Variants in CNBD1 observed in about 807,000 individuals in gnomAD.
CNBD1 encodes the protein cyclic nucleotide-binding domain-containing protein 1.
Under a neutral mutation model 54.4 loss-of-function variants are expected in CNBD1, and 71 were observed. The observed-to-expected ratio is 1.30, with a 90% CI of 1.08 to 1.59. The LOEUF (loss-of-function observed/expected upper bound fraction) is 1.59. Among genes scored for constraint, CNBD1 ranks in the 40% most tolerant of loss-of-function variants. The probability of loss-of-function intolerance (pLI) is 0.00; values close to 1 mark genes in which losing one functional copy is unlikely to be tolerated. For synonymous variants in CNBD1, 182 were observed against 170.7 expected, an observed-to-expected ratio of 1.07 and a Z score of -0.51; for missense variants, 659 against 518.0, an observed-to-expected ratio of 1.27 and a Z score of -2.64.
At chr8:87,054,009 G>A (rs1810363699) in intron 4 of CNBD1, among the ~76,000 whole-genome samples, 1 of 152,214 alleles carries the variant, frequency 6.6e-6, no homozygotes, top group Non-Finnish European at 1.5e-5. Context: ...ACAGCGTGGA[G>A]GCTAAAATCT....
Position 87,286,578 on chromosome 8 carries a change from A to G in CNBD1, c.949A>G (p.Ile317Val), listed in dbSNP as rs970315240. ...KLENMQKLKLIRMCPYYEEWP... is the reference protein window; with the variant it reads ...KLENMQKLKLVRMCPYYEEWP... ...TGAAAATATGCAAAAGTTGAAATTAATCCGTATGTGTCCTTATTATGAGGA... is the reference window on the plus strand; with the variant it reads ...TGAAAATATGCAAAAGTTGAAATTAGTCCGTATGTGTCCTTATTATGAGGA... Residue 317 changes from isoleucine to valine, a missense_variant, in exon 8 of 11, where the codon ATC becomes GTC. Physicochemically the swap from Ile to Val is conservative, Grantham distance 29. Transcript: ENST00000518476. 4.8e-6 allele frequency: 7 copies of G among 1,468,720 alleles called. No homozygotes were observed. The South Asian group carries it at 8.5e-5, about 18-fold the overall frequency. 91.0% of individuals were successfully genotyped at this position (1,468,720 alleles called of 1,614,324 possible). A position where few individuals can be genotyped will look rare whatever the true frequency, so the allele number is the denominator to read the frequency against.
intron 8 of CNBD1, among the ~76,000 whole-genome samples, chr8:87,312,518 A>T (rs906342061): frequency 3.3e-5 from 5 of 152,100 alleles, no homozygotes; most frequent in South Asian, 2.1e-4. Context: ...GTGGGGTTTG[A>T]CATTGCTTTT....
intron 4 of CNBD1, among the ~76,000 whole-genome samples, chr8:87,138,123 T>C (rs1246216639): frequency 6.6e-6 from 1 of 152,170 alleles, no homozygotes; most frequent in African/African-American, 2.4e-5. Context: ...GGCACAAAAG[T>C]CCTGTTTTTC....
At chr8:87,232,907 T>G (rs1467267838) in intron 5 of CNBD1, among the ~76,000 whole-genome samples, 3 of 152,264 alleles carry the variant, frequency 2.0e-5, no homozygotes, top group Non-Finnish European at 2.9e-5. Context: ...TAATAGTATG[T>G]AATATGAGGT....
At chr8:86,904,744 T>G (rs1225058442) in intron 2 of CNBD1, among the ~76,000 whole-genome samples, 1 of 152,130 alleles carries the variant, frequency 6.6e-6, no homozygotes, top group Non-Finnish European at 1.5e-5. Context: ...AGATGTAAAC[T>G]ATTTTAAATA....
At chr8:86,878,577 GAA>G (rs3063708) in intron 1 of CNBD1, among the ~76,000 whole-genome samples, 69,944 of 143,944 alleles carry the variant, frequency 0.49, 16,504 homozygotes, top group East Asian at 0.56. Flanking sequence ...ACTTTATTCT[GAA>G]AAAAAAAAAA....
intron 4 of CNBD1, among the ~76,000 whole-genome samples, chr8:87,039,461 G>T (rs1206319670): frequency 4.6e-5 from 7 of 151,832 alleles, no homozygotes; most frequent in East Asian, 1.9e-4. Flanking sequence ...ATGGTTTTTT[G>T]GGGGGGTTGG....
At chr8:87,282,638 T>A (rs1009212379) in intron 6 of CNBD1, among the ~76,000 whole-genome samples, 3 of 151,990 alleles carry the variant, frequency 2.0e-5, no homozygotes, top group African/African-American at 4.8e-5. Context: ...TTGGAAGTTT[T>A]ATAATTTCCT....
At chr8:87,240,522 A>T (rs1248583680) in intron 6 of CNBD1, among the ~76,000 whole-genome samples, 1 of 152,148 alleles carries the variant, frequency 6.6e-6, no homozygotes, top group Non-Finnish European at 1.5e-5. Flanking sequence ...GGTCTTACAA[A>T]TTCCAGTCCT....
intron 4 of CNBD1, among the ~76,000 whole-genome samples, chr8:86,944,791 G>A (rs1807426971): frequency 6.6e-6 from 1 of 152,150 alleles, no homozygotes; most frequent in South Asian, 2.1e-4. Context: ...CATGGCAAAA[G>A]GTCATGTGTG....
intron 4 of CNBD1, among the ~76,000 whole-genome samples, chr8:87,061,704 A>G (rs1213079123): frequency 6.6e-6 from 1 of 152,224 alleles, no homozygotes; most frequent in Non-Finnish European, 1.5e-5. Context: ...GTTCCAATCA[A>G]GGACATTTCA....
At chr8:87,100,503 G>A (rs936952996) in intron 4 of CNBD1, among the ~76,000 whole-genome samples, 1 of 152,120 alleles carries the variant, frequency 6.6e-6, no homozygotes, top group Non-Finnish European at 1.5e-5. Context: ...TTTGGAGACA[G>A]AGTCACACTC....
chr8:87,145,816 G>T (rs550948828), intron 4 of CNBD1, among the ~76,000 whole-genome samples: 2 of 152,084 alleles, frequency 1.3e-5, no homozygotes, highest in African/African-American at 4.8e-5. Context: ...CCCTATTTCA[G>T]TTCATGGTGT....
At chr8:87,217,759 C>A (rs1342073139) in intron 5 of CNBD1, among the ~76,000 whole-genome samples, 8 of 151,828 alleles carry the variant, frequency 5.3e-5, no homozygotes, top group Admixed American at 5.3e-4. Flanking sequence ...AGATTATTCT[C>A]AAGATTGACT....
Position 87,066,207 on chromosome 8 carries a change from G to A in CNBD1, c.431+126453G>A, listed in dbSNP as rs1810650383. On this transcript the variant is annotated intron_variant, in intron 4 of 10. Coordinates refer to ENST00000518476, the MANE Select transcript of CNBD1 (RefSeq NM_173538.3). The stretch of plus-strand genomic sequence containing the variant: ...ATTAAGCTATCCTGAACATTGGAAG[G>A]TTTATGTGAGACAACTAGTGATTTC... Among the ~76,000 whole-genome samples, 4 of 151,962 alleles carry A rather than the reference G, an allele frequency of 2.6e-5. No homozygotes were observed. The South Asian group carries it at 8.3e-4, about 31-fold the overall frequency.
intron 6 of CNBD1, among the ~76,000 whole-genome samples, chr8:87,281,026 C>A (rs941309598): frequency 6.6e-6 from 1 of 151,380 alleles, no homozygotes; most frequent in Non-Finnish European, 1.5e-5. Flanking sequence ...ATAGTGTTGT[C>A]TCATTTAAGA....
Position 86,979,371 on chromosome 8 carries a change from G to C in CNBD1, c.431+39617G>C, listed in dbSNP as rs190596491. Reference sequence around the variant, plus strand: ...ACTTGAGCCCAAGAGTTTGAGACCAGTCTGGGCAACATGGAGAAAAATCAT... The same window carrying C: ...ACTTGAGCCCAAGAGTTTGAGACCACTCTGGGCAACATGGAGAAAAATCAT... On this transcript the variant is annotated intron_variant, in intron 4 of 10. Transcript: ENST00000518476. Among the ~76,000 whole-genome samples, 55 of 123,756 alleles carry C rather than the reference G, an allele frequency of 4.4e-4. 1 individual carries two copies. Among genetic ancestry groups the C allele is most frequent in the Admixed American group, 1.8e-3 (18 of 9,834 alleles). The allele number at this position is 123,756 out of a possible 152,430, so 81.2% of individuals were successfully genotyped here.
intron 2 of CNBD1, among the ~76,000 whole-genome samples, chr8:87,413,753 C>CA (rs11411230): frequency 0.54 from 80,305 of 148,696 alleles, 22,459 homozygotes; most frequent in African/African-American, 0.7. Flanking sequence ...TTTATGCAGC[C>CA]AAAAAACACA....
intron 4 of CNBD1, among the ~76,000 whole-genome samples, chr8:87,045,686 C>G (rs10090909): frequency 0.13 from 18,421 of 145,152 alleles, 1,214 homozygotes; most frequent in Middle Eastern, 0.18. Flanking sequence ...GATTGCGCCA[C>G]TGCACTCCAG....
Sources: gnomAD v4.1 joint callset for allele counts (sites outside exome capture counted in the v4.1 genomes callset) on GRCh38, gnomAD v4.1.1 for gene constraint, MANE v1.5 for transcripts, NCBI Gene and HGNC (gene_info 2026-07-23, HGNC 2026-07-21) for gene names.